TENM3: variants seen among roughly 807,000 people sequenced by gnomAD.
The protein encoded by TENM3 is teneurin-3.
In TENM3, 63 loss-of-function variants were observed where a neutral mutation model predicts 255.1. That is an observed-to-expected ratio of 0.25 (90% CI 0.20 to 0.30). The LOEUF (loss-of-function observed/expected upper bound fraction) is 0.30, where lower values mean the gene tolerates loss of function less well. Among genes scored for constraint, TENM3 ranks in the 10% least tolerant of loss-of-function variants. TENM3 has a pLI of 1.00. For missense variants in TENM3, 2,929 were observed against 3,461.1 expected (o/e 0.85, Z 3.86); for synonymous variants, 1,306 against 1,322.3 (o/e 0.99, Z 0.27).
At chr4:182,530,777 T>G (rs1243268154) in intron 3 of TENM3, among the ~76,000 whole-genome samples, 1 of 152,174 alleles carries the variant, frequency 6.6e-6, no homozygotes, top group Non-Finnish European at 1.5e-5. Context: ...ATGGATTCCC[T>G]GTGAAGGTTG....
the TENM3 span, among the ~76,000 whole-genome samples, chr4:181,612,363 T>A: frequency 6.6e-6 from 1 of 152,228 alleles, no homozygotes; most frequent in African/African-American, 2.4e-5. Context: ...ATTTCAGTCC[T>A]CATGGTATTG....
the TENM3 span, among the ~76,000 whole-genome samples, chr4:181,764,332 T>G: frequency 1.3e-5 from 2 of 152,214 alleles, no homozygotes; most frequent in African/African-American, 4.8e-5. Context: ...CACTTTCCTT[T>G]GATTTACCTG....
chr4:181,483,640 C>T, the TENM3 span, among the ~76,000 whole-genome samples: 1 of 152,074 alleles, frequency 6.6e-6, no homozygotes, highest in Non-Finnish European at 1.5e-5. Context: ...CATGGTTTTA[C>T]ATATATAATT....
At chr4:181,458,204 T>G in the TENM3 span, among the ~76,000 whole-genome samples, 1 of 151,910 alleles carries the variant, frequency 6.6e-6, no homozygotes, top group Non-Finnish European at 1.5e-5. Flanking sequence ...TCACAAAGAA[T>G]CTGAAATGAG....
chr4:182,793,192 C>T lies in TENM3; in HGVS notation c.6520C>T (p.Arg2174Cys), dbSNP rs1013580082. 2.5e-6 allele frequency: 4 copies of T among 1,614,004 alleles called. No homozygotes were observed. The highest frequency in any genetic ancestry group is 3.4e-6 in the Non-Finnish European group (4 of 1,179,876). ...TAACAGTGCGCGTCTGACACCCCTT[C>T]GCTATGACCTGCGAGACAGAATCAC... ...PSNSARLTPL[R>C]YDLRDRITRL... The change falls in exon 26 of 28, where the codon CGC becomes TGC. Residue 2174 changes from arginine to cysteine, a missense_variant. Transcript: ENST00000511685. The surrounding 1 kb of genome is among the most constrained non-coding windows in gnomAD (Gnocchi z 5.7).
At chr4:182,265,765 T>C (rs1252710782) in intron 1 of TENM3, among the ~76,000 whole-genome samples, 1 of 152,178 alleles carries the variant, frequency 6.6e-6, no homozygotes, top group East Asian at 1.9e-4. Flanking sequence ...CTCTAGTTAA[T>C]TGGCTTAAAT....
At chr4:182,320,334 A>G (rs751490252) in intron 1 of TENM3, among the ~76,000 whole-genome samples, 4 of 152,204 alleles carry the variant, frequency 2.6e-5, no homozygotes, top group Non-Finnish European at 4.4e-5. Flanking sequence ...GTGTGAGGTC[A>G]AGGGCCACAC....
chr4:181,477,469 A>AT, the TENM3 span, among the ~76,000 whole-genome samples: 1 of 151,980 alleles, frequency 6.6e-6, no homozygotes, highest in East Asian at 1.9e-4. Context: ...ACTTTCTTGG[A>AT]TTTTTTTCCT....
intron 3 of TENM3, among the ~76,000 whole-genome samples, chr4:182,421,883 G>A (rs1370500466): frequency 6.6e-6 from 1 of 152,088 alleles, no homozygotes; most frequent in Non-Finnish European, 1.5e-5. Context: ...GATCTACCAG[G>A]TTCTTGCTGG....
rs1256467899 is a variant in TENM3 at position 182,600,920 on chromosome 4, T to C, written c.512-4T>C. 4.0e-5 allele frequency: 41 copies of C among 1,031,096 alleles called. No individual in the cohort carries two copies. Among genetic ancestry groups the C allele is most frequent in the Admixed American group, 2.2e-4 (7 of 31,896 alleles). 63.9% of individuals were successfully genotyped at this position (1,031,096 alleles called of 1,614,324 possible). Reference sequence around the variant, plus strand: ...TTCTTTTTTTTTTTTTTTTTTTTTTTCAGAGCAACCTGCAAGCAATCAAGG... The same window carrying C: ...TTCTTTTTTTTTTTTTTTTTTTTTTCCAGAGCAACCTGCAAGCAATCAAGG... On this transcript the variant is annotated splice_region_variant and splice_polypyrimidine_tract_variant and intron_variant, in intron 3 of 27. Coordinates refer to ENST00000511685, the MANE Select transcript of TENM3 (RefSeq NM_001080477.4).
At chr4:182,644,130 C>T (rs1004471628) in intron 5 of TENM3, among the ~76,000 whole-genome samples, 5 of 152,142 alleles carry the variant, frequency 3.3e-5, no homozygotes, top group South Asian at 2.1e-4. Flanking sequence ...GCTGGGTGCT[C>T]GGGTCTGTGT....
chr4:182,434,480 T>G (rs558173074), intron 3 of TENM3, among the ~76,000 whole-genome samples: 3 of 152,148 alleles, frequency 2.0e-5, no homozygotes, highest in African/African-American at 7.2e-5. Flanking sequence ...CTGGCCAACA[T>G]GGTGAAACAC....
At chr4:181,484,203 C>T in the TENM3 span, among the ~76,000 whole-genome samples, 9 of 152,066 alleles carry the variant, frequency 5.9e-5, no homozygotes, top group African/African-American at 2.2e-4. Flanking sequence ...AGCCATCACA[C>T]TAAAGCAACA....
the TENM3 span, among the ~76,000 whole-genome samples, chr4:181,869,101 C>T: frequency 2.0e-5 from 3 of 151,544 alleles, no homozygotes; most frequent in African/African-American, 4.8e-5. Context: ...TATCTGTTTC[C>T]TTTCATAAAA....
At chr4:182,600,817 A>C in intron 3 of TENM3, 107 bp from the exon 4 acceptor site, 114 of 464,476 alleles carry the variant, frequency 2.5e-4, no homozygotes, top group Non-Finnish European at 3.7e-4. Context: ...TGCAGTTTTT[A>C]ATTCTAATTC....
the TENM3 span, among the ~76,000 whole-genome samples, chr4:181,848,519 A>G: frequency 6.6e-6 from 1 of 152,204 alleles, no homozygotes; most frequent in Non-Finnish European, 1.5e-5. Flanking sequence ...TGTGTCCACA[A>G]ACAGTGTTCT....
intron 3 of TENM3, among the ~76,000 whole-genome samples, chr4:182,394,703 T>TA (rs1490135671): frequency 6.6e-6 from 1 of 152,214 alleles, no homozygotes; most frequent in Non-Finnish European, 1.5e-5. Context: ...AATTGATTTT[T>TA]AATTATGAGT....
intron 3 of TENM3, among the ~76,000 whole-genome samples, chr4:182,513,500 GAA>G (rs537847412): frequency 7.5e-6 from 1 of 133,594 alleles, no homozygotes; most frequent in African/African-American, 2.7e-5. Flanking sequence ...GATCCTGAAT[GAA>G]AAAAAAAAAA....
At chr4:182,750,626 T>C (rs2152747038) in intron 19 of TENM3, among the ~76,000 whole-genome samples, 1 of 152,274 alleles carries the variant, frequency 6.6e-6, no homozygotes, top group East Asian at 1.9e-4. Flanking sequence ...AAAATATTCA[T>C]ATAGGTAGAT....
Sources: allele counts gnomAD v4.1 joint callset (sites outside exome capture counted in the v4.1 genomes callset), GRCh38; gene constraint gnomAD v4.1.1; non-coding constraint Gnocchi (gnomAD v3.1); transcripts MANE v1.5; gene names NCBI Gene and HGNC (gene_info 2026-07-23, HGNC 2026-07-21).